The following AUTS2 variants were observed in gnomAD, a reference collection of about 807,000 sequenced individuals.
AUTS2 encodes the protein autism susceptibility gene 2 protein.
A neutral mutation model predicts 112.4 loss-of-function variants in AUTS2; 17 were observed. That is an observed-to-expected ratio of 0.15 (90% CI 0.10 to 0.23). The LOEUF is 0.23. AUTS2 is among the 10% of genes least tolerant of loss of function. The pLI, the probability that AUTS2 is intolerant of heterozygous loss-of-function variation, is 1.00. For missense variants in AUTS2, 1,510 were observed against 1,701.6 expected (o/e 0.89, Z 1.98); for synonymous variants, 751 against 702.7 (o/e 1.07, Z -1.09).
chr7:69,985,965 G>C (rs1798497718), intron 2 of AUTS2, among the ~76,000 whole-genome samples: 1 of 151,970 alleles, frequency 6.6e-6, no homozygotes, highest in South Asian at 2.1e-4. Context: ...GTCTTACTAT[G>C]TTGCCCAGGC....
chr7:69,911,948 G>A (rs1378234070), intron 2 of AUTS2, among the ~76,000 whole-genome samples: 1 of 152,132 alleles, frequency 6.6e-6, no homozygotes, highest in Non-Finnish European at 1.5e-5. Flanking sequence ...CCTGAAACCT[G>A]TCTGCCTCCC....
At chr7:70,288,481 G>A (rs1300386875) in intron 4 of AUTS2, among the ~76,000 whole-genome samples, 2 of 152,184 alleles carry the variant, frequency 1.3e-5, no homozygotes, top group Non-Finnish European at 2.9e-5. Context: ...TTAGATTTCA[G>A]ACTTCATTTA....
intron 5 of AUTS2, among the ~76,000 whole-genome samples, chr7:70,569,049 A>G (rs1281459609): frequency 1.3e-5 from 2 of 152,222 alleles, no homozygotes; most frequent in Middle Eastern, 3.2e-3. Context: ...AGCATGGTCT[A>G]TAGATAACTC....
At chr7:70,300,519 A>G (rs12698891) in intron 4 of AUTS2, among the ~76,000 whole-genome samples, 16,663 of 152,218 alleles carry the variant, frequency 0.11, 950 homozygotes, top group Admixed American at 0.15. Context: ...CTTCTCAGGA[A>G]TGTCACCAGT....
chr7:70,211,604 G>T (rs561454202), intron 4 of AUTS2, among the ~76,000 whole-genome samples: 2 of 144,220 alleles, frequency 1.4e-5, no homozygotes, highest in East Asian at 2.2e-4. Flanking sequence ...AGCCGAGATC[G>T]CGCCACTGCA....
intron 6 of AUTS2, among the ~76,000 whole-genome samples, chr7:70,700,388 T>C (rs992684281): frequency 1.3e-5 from 2 of 152,168 alleles, no homozygotes; most frequent in South Asian, 4.1e-4. Flanking sequence ...CATACACAAA[T>C]AAGCATTTTA....
At chr7:70,410,351 T>A (rs1794719029) in intron 4 of AUTS2, among the ~76,000 whole-genome samples, 1 of 152,164 alleles carries the variant, frequency 6.6e-6, no homozygotes, top group South Asian at 2.1e-4. Context: ...AGATTTCATA[T>A]CTTAAATCTG....
At chr7:70,358,510 C>G (rs904715334) in intron 4 of AUTS2, among the ~76,000 whole-genome samples, 1 of 152,238 alleles carries the variant, frequency 6.6e-6, no homozygotes, top group Non-Finnish European at 1.5e-5. Context: ...TGACCACCCT[C>G]AAGCCTATAG....
At chr7:69,917,992 G>A (rs549137274) in intron 2 of AUTS2, among the ~76,000 whole-genome samples, 4 of 152,078 alleles carry the variant, frequency 2.6e-5, no homozygotes, top group East Asian at 3.9e-4. Context: ...ACAGGTGCCC[G>A]CCACCACACC....
At chr7:70,024,174 T>G (rs954494981) in intron 2 of AUTS2, among the ~76,000 whole-genome samples, 1 of 152,238 alleles carries the variant, frequency 6.6e-6, no homozygotes, top group East Asian at 1.9e-4. Flanking sequence ...TTTATTTTAA[T>G]GACAAACATT....
At chr7:70,348,318 TG>T (rs1791590180) in intron 4 of AUTS2, among the ~76,000 whole-genome samples, 1 of 152,274 alleles carries the variant, frequency 6.6e-6, no homozygotes, top group Non-Finnish European at 1.5e-5. Flanking sequence ...TGTTTCCCCA[TG>T]TAAATGAGAC....
chr7:69,841,027 C>T (rs2129528593), intron 1 of AUTS2, among the ~76,000 whole-genome samples: 1 of 152,294 alleles, frequency 6.6e-6, no homozygotes, highest in East Asian at 1.9e-4. Context: ...CAATGGCGGT[C>T]ACCACCTTAA....
chr7:70,417,102 G>A (rs1795018765), intron 4 of AUTS2, among the ~76,000 whole-genome samples: 1 of 152,208 alleles, frequency 6.6e-6, no homozygotes, highest in African/African-American at 2.4e-5. Context: ...TCTGCTGGAG[G>A]AGACAGACTC....
At chr7:70,673,714 G>C (rs1333494299) in intron 5 of AUTS2, among the ~76,000 whole-genome samples, 1 of 152,058 alleles carries the variant, frequency 6.6e-6, no homozygotes, top group Non-Finnish European at 1.5e-5. Context: ...TCCCAGTGCT[G>C]GATTGTGAGC....
At chr7:70,223,339 C>T (rs1047643839) in intron 4 of AUTS2, among the ~76,000 whole-genome samples, 5 of 152,048 alleles carry the variant, frequency 3.3e-5, no homozygotes, top group African/African-American at 1.2e-4. Flanking sequence ...AGCCATGTGC[C>T]GTATAGTGAT....
intron 4 of AUTS2, among the ~76,000 whole-genome samples, chr7:70,169,668 A>G (rs1272565063): frequency 6.6e-6 from 1 of 152,228 alleles, no homozygotes; most frequent in Non-Finnish European, 1.5e-5. Flanking sequence ...TGAGTGCCAT[A>G]TGGCTGTAGA....
intron 5 of AUTS2, among the ~76,000 whole-genome samples, chr7:70,494,875 G>C (rs1041550476): frequency 6.6e-5 from 10 of 152,042 alleles, no homozygotes; most frequent in African/African-American, 1.9e-4. Context: ...TCAGTGTTTT[G>C]ATTTTTTTCC....
Position 70,235,658 on chromosome 7 carries a change from C to CT in AUTS2, c.660+101098dup, listed in dbSNP as rs534697027. 3.2e-3 allele frequency among the ~76,000 whole-genome samples: 469 copies of CT among 145,452 alleles called. 2 individuals are homozygous for CT. Among genetic ancestry groups the CT allele is most frequent in the East Asian group, 0.017 (86 of 5,020 alleles). On this transcript the variant is annotated intron_variant, in intron 4 of 18. Transcript: ENST00000342771. The stretch of plus-strand genomic sequence containing the variant: ...GTGTTTTTCTTTTTTCTTTTCTTTT[C>CT]TTTTTTTTTTTGAGACAGAGTCTCA...
intron 2 of AUTS2, among the ~76,000 whole-genome samples, chr7:69,995,618 A>G (rs1425383573): frequency 6.6e-6 from 1 of 152,124 alleles, no homozygotes; most frequent in African/African-American, 2.4e-5. Flanking sequence ...CAGCAGCAGG[A>G]TTCTCCAGGG....
Sources: gnomAD v4.1 joint callset for allele counts (sites outside exome capture counted in the v4.1 genomes callset) on GRCh38, gnomAD v4.1.1 for gene constraint, MANE v1.5 for transcripts, NCBI Gene and HGNC (gene_info 2026-07-23, HGNC 2026-07-21) for gene names.